Variants in PTPRD observed in about 807,000 individuals in gnomAD.
PTPRD encodes protein tyrosine phosphatase receptor type D, also known as receptor-type tyrosine-protein phosphatase delta.
In PTPRD, 34 loss-of-function variants were observed where a neutral mutation model predicts 214.5. The ratio of observed to expected loss-of-function variants is 0.16; its 90% CI spans 0.12 to 0.21. The LOEUF is 0.21. Among genes scored for constraint, PTPRD ranks in the 10% least tolerant of loss-of-function variants. The pLI is 1.00. For synonymous variants in PTPRD, 1,128 were observed against 845.7 expected (o/e 1.33, Z -5.79); for missense variants, 2,545 against 2,398.7 (o/e 1.06, Z -1.27).
At chr9:10,033,493 A>G (rs757990896) in intron 4 of PTPRD, among the ~76,000 whole-genome samples, 25 of 151,944 alleles carry the variant, frequency 1.6e-4, no homozygotes, top group Non-Finnish European at 3.2e-4. Flanking sequence ...TCCAGCACAT[A>G]ATTTTTGTTT....
chr9:10,425,274 AC>A (rs1288465084), intron 2 of PTPRD, among the ~76,000 whole-genome samples: 1 of 151,984 alleles, frequency 6.6e-6, no homozygotes, highest in Non-Finnish European at 1.5e-5. Flanking sequence ...AAAATGCTAA[AC>A]AAAAAAAATC....
chr9:10,206,265 A>G (rs2099477486), intron 3 of PTPRD, among the ~76,000 whole-genome samples: 1 of 152,190 alleles, frequency 6.6e-6, no homozygotes, highest in South Asian at 2.1e-4. Flanking sequence ...AAGTAGTAGT[A>G]AAGGGTGCTG....
intron 11 of PTPRD, among the ~76,000 whole-genome samples, chr9:9,017,441 T>C (rs1383022677): frequency 6.6e-6 from 1 of 152,190 alleles, no homozygotes. Flanking sequence ...TAGGGCTTTG[T>C]GTCTTTGAAC....
chr9:8,753,198 T>C (rs1319288632), intron 11 of PTPRD, among the ~76,000 whole-genome samples: 1 of 152,226 alleles, frequency 6.6e-6, no homozygotes, highest in East Asian at 1.9e-4. Flanking sequence ...AAATATTTTC[T>C]GCCACATAGC....
chr9:9,898,645 A>G (rs1282984825), intron 5 of PTPRD, among the ~76,000 whole-genome samples: 1 of 152,124 alleles, frequency 6.6e-6, no homozygotes, highest in Admixed American at 6.6e-5. Flanking sequence ...TTGTGGTTGT[A>G]TAATGTCACA....
At chr9:9,879,792 T>C (rs1482354813) in intron 5 of PTPRD, among the ~76,000 whole-genome samples, 2 of 152,094 alleles carry the variant, frequency 1.3e-5, no homozygotes, top group East Asian at 3.9e-4. Context: ...TGCTTCTTGG[T>C]TTTTCTGATC....
intron 11 of PTPRD, among the ~76,000 whole-genome samples, chr9:8,853,903 G>A (rs919607438): frequency 2.0e-5 from 3 of 151,976 alleles, no homozygotes; most frequent in African/African-American, 7.3e-5. Flanking sequence ...AACAAAAAAA[G>A]GTAAATAACT....
intron 11 of PTPRD, among the ~76,000 whole-genome samples, chr9:8,755,999 G>C (rs370300767): frequency 6.6e-6 from 1 of 152,226 alleles, no homozygotes; most frequent in East Asian, 1.9e-4. Context: ...ATTAGTATGT[G>C]TGTAGAAGAG....
intron 7 of PTPRD, among the ~76,000 whole-genome samples, chr9:9,677,726 A>G (rs1224244993): frequency 6.6e-6 from 1 of 152,044 alleles, no homozygotes; most frequent in Non-Finnish European, 1.5e-5. Context: ...CAGGGCTATC[A>G]GGCAGGAGAA....
intron 12 of PTPRD, among the ~76,000 whole-genome samples, chr9:8,718,501 T>C (rs1565528967): frequency 1.3e-5 from 2 of 152,196 alleles, no homozygotes; most frequent in Non-Finnish European, 2.9e-5. Context: ...TTCTCCACAG[T>C]GGTTTCTGCT....
At chr9:9,696,017 G>C (rs912094523) in intron 7 of PTPRD, among the ~76,000 whole-genome samples, 2 of 151,982 alleles carry the variant, frequency 1.3e-5, no homozygotes, top group African/African-American at 2.4e-5. Flanking sequence ...AAGTCATTAG[G>C]TCCTGGGCTC....
chr9:9,631,689 T>G (rs1187977634), intron 7 of PTPRD, among the ~76,000 whole-genome samples: 11 of 152,046 alleles, frequency 7.2e-5, no homozygotes. Context: ...ATATTCTAAG[T>G]GCATCTTCTC....
intron 8 of PTPRD, among the ~76,000 whole-genome samples, chr9:9,429,900 C>T (rs776777893): frequency 2.6e-5 from 4 of 152,224 alleles, no homozygotes; most frequent in Non-Finnish European, 4.4e-5. Flanking sequence ...TGGAATGTAT[C>T]TCAAAATAAT....
At chr9:8,430,219 T>TTATA (rs1443919538) in intron 35 of PTPRD, among the ~76,000 whole-genome samples, 1 of 152,098 alleles carries the variant, frequency 6.6e-6, no homozygotes, top group African/African-American at 2.4e-5. Flanking sequence ...TTCTCTAACT[T>TTATA]TATAGCTTTT....
Position 8,676,290 on chromosome 9 carries a change from C to T in PTPRD, c.65-39446G>A, listed in dbSNP as rs551092123. 4.6e-5 allele frequency among the ~76,000 whole-genome samples: 7 copies of T among 152,206 alleles called. No homozygotes were observed. The East Asian group carries it at 9.7e-4, about 21-fold the overall frequency. On this transcript the variant is annotated intron_variant, in intron 12 of 45. Transcript: ENST00000381196. ...AATTCCCTTCTTACAACTCCCTAAG[C>T]CCACCTTAAGGAGCTTACCCTCCAT...
intron 3 of PTPRD, among the ~76,000 whole-genome samples, chr9:10,265,280 G>A (rs1247447910): frequency 6.6e-6 from 1 of 152,080 alleles, no homozygotes. Context: ...ATAAGTCTGG[G>A]CTAGCCTGTA....
At chr9:10,539,962 T>C (rs1047551716) in intron 2 of PTPRD, among the ~76,000 whole-genome samples, 40 of 152,234 alleles carry the variant, frequency 2.6e-4, no homozygotes, top group African/African-American at 8.9e-4. Context: ...TAAATACTTC[T>C]CTGGAATTCT....
At chr9:8,373,733 T>C (rs2082249361) in intron 39 of PTPRD, among the ~76,000 whole-genome samples, 1 of 151,738 alleles carries the variant, frequency 6.6e-6, no homozygotes, top group Non-Finnish European at 1.5e-5. Context: ...CATTTTTGTA[T>C]CTGTCACGGT....
At chr9:8,569,968 T>G (rs551912384) in intron 14 of PTPRD, among the ~76,000 whole-genome samples, 1 of 152,240 alleles carries the variant, frequency 6.6e-6, no homozygotes, top group South Asian at 2.1e-4. Flanking sequence ...CATAATGCGG[T>G]GAACTGTTAG....
Sources: gnomAD v4.1 joint callset for allele counts (sites outside exome capture counted in the v4.1 genomes callset) on GRCh38, gnomAD v4.1.1 for gene constraint, MANE v1.5 for transcripts, NCBI Gene and HGNC (gene_info 2026-07-23, HGNC 2026-07-21) for gene names.